Variants in ATP8A2 observed in about 807,000 individuals in gnomAD.
ATP8A2 encodes the protein ATPase phospholipid transporting 8A2, also known as phospholipid-transporting ATPase IB.
In ATP8A2, 100 loss-of-function variants were observed where a neutral mutation model predicts 165.6. The observed-to-expected ratio is 0.60, with a 90% confidence interval of 0.51 to 0.71. ATP8A2 has a LOEUF of 0.71. Among genes scored for constraint, ATP8A2 ranks in the 30% least tolerant of loss-of-function variants. The probability of loss-of-function intolerance (pLI) is 0.00; values close to 1 mark genes in which losing one functional copy is unlikely to be tolerated. For missense variants in ATP8A2, 1,227 were observed against 1,479.5 expected (o/e 0.83, Z 2.80); for synonymous variants, 543 against 548.8 (o/e 0.99, Z 0.15).
intron 25 of ATP8A2, among the ~76,000 whole-genome samples, chr13:25,720,793 C>A (rs536386765): frequency 6.6e-6 from 1 of 152,260 alleles, no homozygotes; most frequent in Non-Finnish European, 1.5e-5. Context: ...CTTCAGCAAT[C>A]CCTGTGCTAC....
At chr13:25,982,165 T>G (rs1187854083) in intron 35 of ATP8A2, among the ~76,000 whole-genome samples, 1 of 152,218 alleles carries the variant, frequency 6.6e-6, no homozygotes, top group Non-Finnish European at 1.5e-5. Context: ...CTGTCTCACC[T>G]ATTCAGAAAG....
In ATP8A2 at chr13:25,817,589, G is replaced by A. The variant is rs142774062; in HGVS notation, c.2680-10529G>A. 3.1e-3 allele frequency among the ~76,000 whole-genome samples: 478 copies of A among 152,258 alleles called. 2 individuals carry two copies. The highest frequency in any genetic ancestry group is 5.5e-3 in the Non-Finnish European group (375 of 68,014). On this transcript the variant is annotated intron_variant, in intron 27 of 36. Transcript: ENST00000381655. ...TGCCAGACTAAAGTAAAAAATGTATGTGTGTACCTCATCTGCTACATTTAT... is the reference window on the plus strand; with the variant it reads ...TGCCAGACTAAAGTAAAAAATGTATATGTGTACCTCATCTGCTACATTTAT...
intron 24 of ATP8A2, among the ~76,000 whole-genome samples, chr13:25,693,199 T>C (rs1200796698): frequency 2.0e-5 from 3 of 152,212 alleles, no homozygotes; most frequent in African/African-American, 7.2e-5. Context: ...AAATGGATTC[T>C]AAGTGCCCAA....
intron 33 of ATP8A2, among the ~76,000 whole-genome samples, chr13:25,917,179 C>G (rs1264453152): frequency 3.9e-5 from 6 of 152,196 alleles, no homozygotes; most frequent in African/African-American, 1.4e-4. Context: ...CATCCTCCAA[C>G]CCAGGCCAGG....
At chr13:25,609,570 TATATATATATATTTGGGTTCAA>T (rs1458582496) in intron 24 of ATP8A2, among the ~76,000 whole-genome samples, 1 of 148,116 alleles carries the variant, frequency 6.8e-6, no homozygotes, top group South Asian at 2.1e-4. Context: ...TGGATTCAAA[TATATATATATATTTGGGTTCAA>T]ATATATATAT....
intron 27 of ATP8A2, among the ~76,000 whole-genome samples, chr13:25,807,508 AT>A (rs1293703236): frequency 6.6e-6 from 1 of 152,210 alleles, no homozygotes; most frequent in Non-Finnish European, 1.5e-5. Context: ...GAGAGGATTT[AT>A]TCCTGGACTC....
intron 25 of ATP8A2, among the ~76,000 whole-genome samples, chr13:25,739,993 G>GC (rs1251276853): frequency 1.3e-5 from 2 of 152,160 alleles, no homozygotes; most frequent in African/African-American, 2.4e-5. Context: ...ACCATTAGGG[G>GC]CCACCTACAT....
chr13:25,722,012 G>A (rs3117851), intron 25 of ATP8A2, among the ~76,000 whole-genome samples: 18,766 of 152,144 alleles, frequency 0.12, 2,745 homozygotes, highest in African/African-American at 0.35. Context: ...AACCTCTTGA[G>A]GAACCATGAA....
chr13:25,377,804 A>G (rs1566089663), intron 1 of ATP8A2, among the ~76,000 whole-genome samples: 1 of 151,984 alleles, frequency 6.6e-6, no homozygotes. Context: ...ACAAAACAAA[A>G]CAAAGCAAAA....
chr13:25,506,179 G>A (rs938993318), intron 2 of ATP8A2, among the ~76,000 whole-genome samples: 3 of 152,122 alleles, frequency 2.0e-5, no homozygotes, highest in African/African-American at 7.2e-5. Flanking sequence ...GAGCTCTTCC[G>A]CTCTCCCTGC....
At chr13:25,623,725 A>G (rs2041031052) in intron 24 of ATP8A2, among the ~76,000 whole-genome samples, 1 of 152,082 alleles carries the variant, frequency 6.6e-6, no homozygotes, top group Admixed American at 6.6e-5. Context: ...AACTGCACGG[A>G]CTTCTCTTGT....
chr13:25,601,370 C>T (rs7991392), intron 24 of ATP8A2, among the ~76,000 whole-genome samples: 30,228 of 152,128 alleles, frequency 0.2, 3,260 homozygotes, highest in Non-Finnish European at 0.24. Context: ...AAGATGAATA[C>T]GATGTTTTCA....
At chr13:25,776,717 G>A (rs117248876) in intron 27 of ATP8A2, among the ~76,000 whole-genome samples, 2,483 of 152,270 alleles carry the variant, frequency 0.016, 45 homozygotes, top group Non-Finnish European at 0.023. Flanking sequence ...AGGTATCGTA[G>A]GGTCATGGAC....
intron 1 of ATP8A2, among the ~76,000 whole-genome samples, chr13:25,400,339 T>C (rs1203792379): frequency 6.6e-6 from 1 of 152,202 alleles, no homozygotes; most frequent in African/African-American, 2.4e-5. Flanking sequence ...AAAGAACATT[T>C]ACTGAAATAA....
intron 8 of ATP8A2, among the ~76,000 whole-genome samples, chr13:25,540,834 A>G (rs2038451228): frequency 6.6e-6 from 1 of 152,082 alleles, no homozygotes; most frequent in South Asian, 2.1e-4. Flanking sequence ...CATATATTTT[A>G]ATTCTAGGAT....
chr13:25,420,701 A>C (rs1278456500), intron 1 of ATP8A2, among the ~76,000 whole-genome samples: 1 of 152,220 alleles, frequency 6.6e-6, no homozygotes, highest in Non-Finnish European at 1.5e-5. Context: ...GTATCACAGA[A>C]CTTAAAAAAG....
At chr13:25,540,665 T>C (rs2038445378) in intron 8 of ATP8A2, among the ~76,000 whole-genome samples, 1 of 152,102 alleles carries the variant, frequency 6.6e-6, no homozygotes, top group African/African-American at 2.4e-5. Flanking sequence ...GACATCTCGA[T>C]GAAGCTGAGT....
At chr13:25,973,843 C>T (rs977425578) in intron 35 of ATP8A2, among the ~76,000 whole-genome samples, 1 of 152,204 alleles carries the variant, frequency 6.6e-6, no homozygotes, top group African/African-American at 2.4e-5. Context: ...GGTTTTTTCA[C>T]AGTACTGGCC....
chr13:25,768,710 G>A (rs1454603061), intron 25 of ATP8A2, among the ~76,000 whole-genome samples: 3 of 152,128 alleles, frequency 2.0e-5, no homozygotes, highest in Non-Finnish European at 4.4e-5. Flanking sequence ...AGACATTTCC[G>A]AAGACCCCTG....
Sources: allele counts gnomAD v4.1 joint callset (sites outside exome capture counted in the v4.1 genomes callset), GRCh38; gene constraint gnomAD v4.1.1; transcripts MANE v1.5; gene names NCBI Gene and HGNC (gene_info 2026-07-23, HGNC 2026-07-21).